MIPOL1: variants seen among roughly 807,000 people sequenced by gnomAD.
MIPOL1 encodes mirror-image polydactyly 1.
Under a neutral mutation model 60.9 loss-of-function variants are expected in MIPOL1, and 57 were observed. The ratio of observed to expected loss-of-function variants is 0.94; its 90% CI spans 0.76 to 1.17. The LOEUF (loss-of-function observed/expected upper bound fraction) is 1.17. MIPOL1 is among the 50% of genes most tolerant of loss of function. MIPOL1 has a pLI of 0.00. For missense variants in MIPOL1, 551 were observed against 511.6 expected (o/e 1.08, Z -0.74); for synonymous variants, 179 against 168.8 (o/e 1.06, Z -0.47).
At chr14:37,389,410 A>G (rs2093170994) in intron 10 of MIPOL1, among the ~76,000 whole-genome samples, 4 of 152,146 alleles carry the variant, frequency 2.6e-5, no homozygotes, top group South Asian at 2.1e-4. Flanking sequence ...ATATACGTAA[A>G]TGAATATTGC....
chr14:37,339,063 A>T (rs933492593), intron 9 of MIPOL1, among the ~76,000 whole-genome samples: 2 of 152,246 alleles, frequency 1.3e-5, no homozygotes, highest in African/African-American at 4.8e-5. Context: ...CTGGGAGTAA[A>T]TATTTGTAAT....
In MIPOL1 at chr14:37,538,383, A is replaced by G. The variant is rs532086672; in HGVS notation, c.1263-8522A>G. On this transcript the variant is annotated intron_variant, in intron 12 of 12. Coordinates refer to ENST00000684589, the MANE Select transcript of MIPOL1 (RefSeq NM_001388067.1). ...CTGTAAGAGCTTTTCTCTATACTTT[A>G]TCTTTGGTTCTTTCCCAGTCAACAT... is the stretch of plus-strand genomic sequence containing the variant. Among the ~76,000 whole-genome samples, 16 of 152,296 alleles carry G rather than the reference A, an allele frequency of 1.1e-4. No homozygotes were observed. In the South Asian group the frequency reaches 3.3e-3, roughly 32 times the overall value.
intron 1 of MIPOL1, among the ~76,000 whole-genome samples, chr14:37,245,939 G>T (rs1255300221): frequency 6.6e-6 from 1 of 152,038 alleles, no homozygotes; most frequent in Non-Finnish European, 1.5e-5. Context: ...AGCCTAAGAA[G>T]GTAAAATGTT....
At chr14:37,328,891 G>T (rs1253494626) in intron 9 of MIPOL1, among the ~76,000 whole-genome samples, 1 of 152,140 alleles carries the variant, frequency 6.6e-6, no homozygotes, top group African/African-American at 2.4e-5. Context: ...CACTGGAAGT[G>T]GGGCAGTTTT....
intron 11 of MIPOL1, among the ~76,000 whole-genome samples, chr14:37,484,077 G>A (rs1050413100): frequency 1.3e-5 from 2 of 152,170 alleles, no homozygotes; most frequent in East Asian, 1.9e-4. Context: ...TATATCCAAT[G>A]CAATACTAGT....
intron 1 of MIPOL1, among the ~76,000 whole-genome samples, chr14:37,231,320 T>C (rs1176388844): frequency 6.6e-6 from 1 of 152,150 alleles, no homozygotes; most frequent in Non-Finnish European, 1.5e-5. Context: ...ACTCCTGGCC[T>C]CAAGCAGGAC....
intron 12 of MIPOL1, among the ~76,000 whole-genome samples, chr14:37,532,637 C>G (rs965279430): frequency 2.0e-5 from 3 of 152,148 alleles, no homozygotes; most frequent in African/African-American, 7.2e-5. Flanking sequence ...AGAAACTCTA[C>G]AAAACACGAC....
intron 12 of MIPOL1, among the ~76,000 whole-genome samples, chr14:37,536,839 C>A (rs533465099): frequency 2.0e-4 from 31 of 152,048 alleles, no homozygotes; most frequent in Non-Finnish European, 4.3e-4. Flanking sequence ...ATTTTAAGAA[C>A]CATAATAATT....
chr14:37,536,445 A>G (rs1276218476), intron 12 of MIPOL1, among the ~76,000 whole-genome samples: 1 of 152,196 alleles, frequency 6.6e-6, no homozygotes, highest in Admixed American at 6.5e-5. Flanking sequence ...TTTGAGTTAA[A>G]GCTTTGTACT....
At chr14:37,381,408 G>A (rs1017262953) in intron 10 of MIPOL1, among the ~76,000 whole-genome samples, 1 of 151,998 alleles carries the variant, frequency 6.6e-6, no homozygotes, top group Non-Finnish European at 1.5e-5. Flanking sequence ...AAGAGCAGGT[G>A]TCTCTGATAT....
intron 11 of MIPOL1, among the ~76,000 whole-genome samples, chr14:37,424,034 T>C (rs1287263250): frequency 6.6e-6 from 1 of 152,196 alleles, no homozygotes; most frequent in Non-Finnish European, 1.5e-5. Context: ...TACTGCAATT[T>C]GTTGCTCATG....
intron 11 of MIPOL1, among the ~76,000 whole-genome samples, chr14:37,451,121 A>G (rs2094410762): frequency 1.3e-5 from 2 of 152,178 alleles, no homozygotes; most frequent in South Asian, 4.1e-4. Context: ...TAAGATCTAT[A>G]TCACATTTAT....
intron 7 of MIPOL1, among the ~76,000 whole-genome samples, chr14:37,297,924 A>G (rs1318649504): frequency 2.0e-5 from 3 of 152,206 alleles, no homozygotes; most frequent in South Asian, 2.1e-4. Context: ...CAAGCTACCA[A>G]TGACTTTCTT....
At chr14:37,396,541 T>G (rs896546282) in intron 10 of MIPOL1, among the ~76,000 whole-genome samples, 1 of 149,712 alleles carries the variant, frequency 6.7e-6, no homozygotes, top group African/African-American at 2.5e-5. Flanking sequence ...CTGAGGAAGT[T>G]TTCCTCGATT....
intron 10 of MIPOL1, among the ~76,000 whole-genome samples, chr14:37,383,988 C>T (rs1595516172): frequency 6.6e-6 from 1 of 151,874 alleles, no homozygotes; most frequent in Non-Finnish European, 1.5e-5. Flanking sequence ...TGTTTGTGTA[C>T]TATTAGATGG....
intron 11 of MIPOL1, among the ~76,000 whole-genome samples, chr14:37,485,696 A>T (rs1439022040): frequency 6.6e-6 from 1 of 151,738 alleles, no homozygotes; most frequent in East Asian, 1.9e-4. Context: ...TTTTCTTGTA[A>T]ATTTGTCTAA....
At chr14:37,417,815 A>T (rs944166127) in intron 10 of MIPOL1, among the ~76,000 whole-genome samples, 3 of 152,174 alleles carry the variant, frequency 2.0e-5, no homozygotes, top group African/African-American at 2.4e-5. Context: ...TATCACACAT[A>T]TTAAATTATA....
intron 11 of MIPOL1, among the ~76,000 whole-genome samples, chr14:37,454,391 T>G (rs1366088258): frequency 6.6e-6 from 1 of 152,244 alleles, no homozygotes; most frequent in Non-Finnish European, 1.5e-5. Context: ...TAGTGTTAGC[T>G]AACACTTACA....
intron 11 of MIPOL1, among the ~76,000 whole-genome samples, chr14:37,444,538 T>C (rs2094302125): frequency 6.6e-6 from 1 of 152,214 alleles, no homozygotes; most frequent in Non-Finnish European, 1.5e-5. Context: ...CTAAAATTTA[T>C]ATAAAAATGC....
Sources: allele counts gnomAD v4.1 joint callset (sites outside exome capture counted in the v4.1 genomes callset), GRCh38; gene constraint gnomAD v4.1.1; transcripts MANE v1.5; gene names NCBI Gene and HGNC (gene_info 2026-07-23, HGNC 2026-07-21).